The following DENND1A variants were observed in gnomAD, a reference collection of about 807,000 sequenced individuals.
DENND1A encodes DENN domain-containing protein 1A.
In DENND1A, 51 loss-of-function variants were observed where a neutral mutation model predicts 113.7. The ratio of observed to expected loss-of-function variants is 0.45; its 90% CI spans 0.36 to 0.57. DENND1A has a LOEUF of 0.57. DENND1A is among the 20% of genes least tolerant of loss of function. The pLI is 0.00. For missense variants in DENND1A, 1,258 were observed against 1,395.9 expected (o/e 0.90, Z 1.57); for synonymous variants, 565 against 570.8 (o/e 0.99, Z 0.14).
rs1408903894 is a variant in DENND1A, at chr9:123,796,790, C to CACAT, written c.89-4161_89-4160insATGT. ...ACACACACACACACACACACACACACATCTTACCAAATTATTTTCCTGTTT... is the reference window on the plus strand; with the variant it reads ...ACACACACACACACACACACACACACACATATCTTACCAAATTATTTTCCTGTTT... On this transcript the variant is annotated intron_variant, in intron 2 of 23. Coordinates refer to ENST00000394215, the MANE Select transcript of DENND1A (RefSeq NM_001352964.2). 4.0e-5 allele frequency among the ~76,000 whole-genome samples: 6 copies of CACAT among 151,556 alleles called. 1 individual carries two copies. The highest frequency in any genetic ancestry group is 1.5e-4 in the African/African-American group (6 of 41,198).
At chr9:123,545,599 T>C (rs536525713) in intron 13 of DENND1A, among the ~76,000 whole-genome samples, 1 of 152,142 alleles carries the variant, frequency 6.6e-6, no homozygotes, top group African/African-American at 2.4e-5. Context: ...CCTGAGTAGC[T>C]GGGACTACAG....
intron 5 of DENND1A, among the ~76,000 whole-genome samples, chr9:123,683,560 T>G (rs2064609169): frequency 6.6e-6 from 1 of 152,196 alleles, no homozygotes; most frequent in Non-Finnish European, 1.5e-5. Context: ...TTTATACTTT[T>G]TCTAGATAAA....
At chr9:123,403,557 G>A in intron 20 of DENND1A, 67 bp from the exon 21 acceptor site, 1 of 1,442,524 alleles carries the variant, frequency 6.9e-7, no homozygotes, top group African/African-American at 1.4e-5. Context: ...GGTACATTCT[G>A]AACATTTGGA....
chr9:123,721,804 T>C (rs984051793), intron 5 of DENND1A, among the ~76,000 whole-genome samples: 6 of 152,230 alleles, frequency 3.9e-5, no homozygotes, highest in African/African-American at 1.4e-4. Flanking sequence ...CATATGGAAC[T>C]GTAAGTCCAT....
At chr9:123,590,348 G>A (rs894698616) in intron 11 of DENND1A, among the ~76,000 whole-genome samples, 6 of 152,156 alleles carry the variant, frequency 3.9e-5, no homozygotes, top group South Asian at 2.1e-4. Flanking sequence ...CAGACAATTC[G>A]TGAATGAATG....
chr9:123,434,171 C>A (rs535669135), intron 19 of DENND1A, among the ~76,000 whole-genome samples: 39 of 152,288 alleles, frequency 2.6e-4, no homozygotes, highest in African/African-American at 8.9e-4. Context: ...GGACTACAGG[C>A]GCATGCCATC....
At chr9:123,817,900 G>A (rs1471253241) in intron 2 of DENND1A, among the ~76,000 whole-genome samples, 1 of 151,692 alleles carries the variant, frequency 6.6e-6, no homozygotes, top group East Asian at 2.0e-4. Context: ...GGTGGCAGGC[G>A]CCTGTAATCC....
At chr9:123,384,926 C>T (rs147822230) in intron 22 of DENND1A, among the ~76,000 whole-genome samples, 261 of 152,146 alleles carry the variant, frequency 1.7e-3, no homozygotes, top group African/African-American at 5.3e-3. Flanking sequence ...CCAGCCTAGG[C>T]GACAGAGCGA....
At chr9:123,449,533 CAAA>C (rs34903069) in intron 18 of DENND1A, among the ~76,000 whole-genome samples, 1 of 72,598 alleles carries the variant, frequency 1.4e-5, no homozygotes, top group African/African-American at 4.9e-5. Context: ...GACTCCGTCT[CAAA>C]AAAAAAAAAA....
intron 13 of DENND1A, among the ~76,000 whole-genome samples, chr9:123,516,121 C>T (rs890520306): frequency 4.8e-4 from 15 of 31,250 alleles, no homozygotes; most frequent in Middle Eastern, 0.023. Context: ...CACACACACA[C>T]ACACACACAC....
At chr9:123,629,395 T>C (rs2061380888) in intron 10 of DENND1A, among the ~76,000 whole-genome samples, 1 of 152,192 alleles carries the variant, frequency 6.6e-6, no homozygotes, top group African/African-American at 2.4e-5. Context: ...AAAGAAATTA[T>C]TCATGAGGAA....
At chr9:123,547,634 G>GAATA (rs1007498192) in intron 13 of DENND1A, among the ~76,000 whole-genome samples, 6 of 152,034 alleles carry the variant, frequency 3.9e-5, no homozygotes, top group East Asian at 1.9e-4. Context: ...GCAATAAAAT[G>GAATA]AATAAATAAA....
intron 13 of DENND1A, among the ~76,000 whole-genome samples, chr9:123,540,085 A>G (rs2056172420): frequency 6.6e-6 from 1 of 152,216 alleles, no homozygotes; most frequent in Non-Finnish European, 1.5e-5. Context: ...AAATACATAC[A>G]CTTTGAGAAA....
chr9:123,516,107 TACACACACACACACACACAC>T (rs199923277), intron 13 of DENND1A, among the ~76,000 whole-genome samples: 67 of 138,660 alleles, frequency 4.8e-4, no homozygotes, highest in African/African-American at 1.3e-3. Flanking sequence ...TACACACACA[TACACACACACACACACACAC>T]ACACACACAC....
At chr9:123,400,894 T>A (rs1029608181) in intron 21 of DENND1A, 2 of 152,176 alleles carry the variant, frequency 1.3e-5, no homozygotes, top group African/African-American at 4.8e-5. Context: ...GGGCAAGAAG[T>A]CAGGAGGAAT....
intron 11 of DENND1A, among the ~76,000 whole-genome samples, chr9:123,604,037 T>C (rs76173412): frequency 0.035 from 5,323 of 152,298 alleles, 106 homozygotes; most frequent in African/African-American, 0.054. Context: ...GGCCTGACCA[T>C]GTCCCTCCTC....
At chr9:123,652,976 T>C (rs1328314485) in intron 8 of DENND1A, among the ~76,000 whole-genome samples, 1 of 152,236 alleles carries the variant, frequency 6.6e-6, no homozygotes, top group African/African-American at 2.4e-5. Context: ...ATGAATATGC[T>C]AATTTCTTCA....
chr9:123,835,551 A>C (rs1467930828), intron 2 of DENND1A, among the ~76,000 whole-genome samples: 1 of 152,016 alleles, frequency 6.6e-6, no homozygotes, highest in African/African-American at 2.4e-5. Context: ...CATTTCAAAA[A>C]TCAAAGGATC....
rs142581951 is a variant in DENND1A at position 123,758,282 on chromosome 9, G to A, written c.183-460C>T. ...CAATCCTCACCTGAGAACTTCCCTAGTTCAGAAAATAAGAGTGCTTGCCAG... is the reference window on the plus strand; with the variant it reads ...CAATCCTCACCTGAGAACTTCCCTAATTCAGAAAATAAGAGTGCTTGCCAG... On this transcript the variant is annotated intron_variant, in intron 4 of 23. Coordinates refer to ENST00000394215, the MANE Select transcript of DENND1A (RefSeq NM_001352964.2). Among the ~76,000 whole-genome samples, 296 of 152,314 alleles carry A rather than the reference G, an allele frequency of 1.9e-3. 7 individuals are homozygous for A. The East Asian group carries it at 0.028, about 14-fold the overall frequency.
Sources: gnomAD v4.1 joint callset for allele counts (sites outside exome capture counted in the v4.1 genomes callset) on GRCh38, gnomAD v4.1.1 for gene constraint, MANE v1.5 for transcripts, NCBI Gene and HGNC (gene_info 2026-07-23, HGNC 2026-07-21) for gene names.